C8orf34: variants seen among roughly 807,000 people sequenced by gnomAD.
C8orf34 encodes the protein chromosome 8 open reading frame 34.
In C8orf34, 65 loss-of-function variants were observed where a neutral mutation model predicts 68.3. That is an observed-to-expected ratio of 0.95 (90% CI 0.78 to 1.17). The LOEUF (loss-of-function observed/expected upper bound fraction) is 1.17, where lower values mean the gene tolerates loss of function less well. C8orf34 is among the 50% of genes most tolerant of loss of function. The pLI is 0.00. For missense variants in C8orf34, 664 were observed against 655.4 expected (o/e 1.01, Z -0.14); for synonymous variants, 244 against 241.2 (o/e 1.01, Z -0.11).
At chr8:68,378,161 T>C (rs1317169521) in intron 1 of C8orf34, among the ~76,000 whole-genome samples, 3 of 152,192 alleles carry the variant, frequency 2.0e-5, no homozygotes, top group Admixed American at 2.0e-4. Context: ...TTAATTTATT[T>C]CTTGATTAAT....
At chr8:68,515,728 T>A (rs1814483943) in intron 5 of C8orf34, among the ~76,000 whole-genome samples, 1 of 152,214 alleles carries the variant, frequency 6.6e-6, no homozygotes, top group African/African-American at 2.4e-5. Flanking sequence ...CTGAATGTAA[T>A]ATAAAGTTTT....
intron 8 of C8orf34, among the ~76,000 whole-genome samples, chr8:68,660,787 A>G (rs1326774699): frequency 6.6e-6 from 1 of 152,162 alleles, no homozygotes; most frequent in Non-Finnish European, 1.5e-5. Context: ...AGTCCTATGA[A>G]TCGGGGTCCT....
intron 4 of C8orf34, among the ~76,000 whole-genome samples, chr8:68,475,298 C>T (rs560801275): frequency 2.6e-5 from 4 of 152,320 alleles, no homozygotes; most frequent in African/African-American, 9.6e-5. Context: ...TGCTTCTATA[C>T]TTTTCTCTGA....
At chr8:68,454,538 G>A (rs1189314608) in intron 3 of C8orf34, among the ~76,000 whole-genome samples, 2 of 151,920 alleles carry the variant, frequency 1.3e-5, no homozygotes, top group Admixed American at 6.5e-5. Context: ...CAGTTTGTTG[G>A]CATACAATTG....
chr8:68,578,083 A>G (rs1159827000), intron 7 of C8orf34, among the ~76,000 whole-genome samples: 2 of 151,994 alleles, frequency 1.3e-5, no homozygotes, highest in Non-Finnish European at 2.9e-5. Context: ...AGGTAAAAAA[A>G]TAAAGGAAGG....
At chr8:68,404,577 T>G (rs1360587282) in intron 1 of C8orf34, among the ~76,000 whole-genome samples, 1 of 152,222 alleles carries the variant, frequency 6.6e-6, no homozygotes, top group African/African-American at 2.4e-5. Flanking sequence ...GGGCTCAGTT[T>G]CAGTTTTCTG....
intron 7 of C8orf34, among the ~76,000 whole-genome samples, chr8:68,556,068 T>A (rs1816240799): frequency 6.6e-6 from 1 of 151,980 alleles, no homozygotes; most frequent in Non-Finnish European, 1.5e-5. Context: ...TTTAATCAAA[T>A]CCACATACTA....
chr8:68,419,819 G>A (rs1809865229), intron 1 of C8orf34, among the ~76,000 whole-genome samples: 3 of 125,518 alleles, frequency 2.4e-5, no homozygotes, highest in African/African-American at 6.1e-5. Context: ...CACACTCTGG[G>A]GACTGTTGTG....
At chr8:68,404,009 C>T (rs925313007) in intron 1 of C8orf34, among the ~76,000 whole-genome samples, 1 of 152,222 alleles carries the variant, frequency 6.6e-6, no homozygotes, top group African/African-American at 2.4e-5. Flanking sequence ...AAAAGCGTTC[C>T]TATTTCTCCA....
At chr8:68,817,808 G>T (rs187259407) in intron 13 of C8orf34, among the ~76,000 whole-genome samples, 1 of 152,066 alleles carries the variant, frequency 6.6e-6, no homozygotes, top group Non-Finnish European at 1.5e-5. Flanking sequence ...CAAAAGGGAG[G>T]CAAGACACCT....
In C8orf34 at chr8:68,461,647, A is replaced by G. The variant is rs969280661; in HGVS notation, c.608-7045A>G. Among the ~76,000 whole-genome samples, 328 of 152,316 alleles carry G rather than the reference A, an allele frequency of 2.2e-3. 1 individual carries two copies. Among genetic ancestry groups the G allele is most frequent in the African/African-American group, 7.1e-3 (294 of 41,576 alleles). On this transcript the variant is annotated intron_variant, in intron 3 of 13. Transcript: ENST00000518698. ...GTGGGGGCCAATATTCAACATTGTTAAAGAAAAGAATTTTCAACCCAGAAT... is the reference window on the plus strand; with the variant it reads ...GTGGGGGCCAATATTCAACATTGTTGAAGAAAAGAATTTTCAACCCAGAAT...
chr8:68,339,171 T>A (rs1198258272), intron 1 of C8orf34, among the ~76,000 whole-genome samples: 1 of 152,058 alleles, frequency 6.6e-6, no homozygotes, highest in Non-Finnish European at 1.5e-5. Flanking sequence ...TTGATTCAGA[T>A]TGTGTTGAAT....
intron 1 of C8orf34, among the ~76,000 whole-genome samples, chr8:68,414,521 C>T (rs1809580123): frequency 6.6e-6 from 1 of 152,118 alleles, no homozygotes; most frequent in African/African-American, 2.4e-5. Context: ...CTTTTAGTAA[C>T]ACTATTGACA....
intron 1 of C8orf34, among the ~76,000 whole-genome samples, chr8:68,432,271 G>A (rs1810481884): frequency 6.6e-6 from 1 of 151,678 alleles, no homozygotes; most frequent in African/African-American, 2.4e-5. Context: ...TAAAATACCT[G>A]ATACTTGTGC....
intron 10 of C8orf34, among the ~76,000 whole-genome samples, chr8:68,740,989 A>T (rs1362768117): frequency 6.6e-6 from 1 of 152,160 alleles, no homozygotes; most frequent in Non-Finnish European, 1.5e-5. Flanking sequence ...ACAGAAAGCC[A>T]AATATTGTGT....
intron 9 of C8orf34, among the ~76,000 whole-genome samples, chr8:68,720,417 G>T (rs561036649): frequency 6.6e-6 from 1 of 152,004 alleles, no homozygotes; most frequent in African/African-American, 2.4e-5. Flanking sequence ...GGGTTTGAAA[G>T]ATTTCATGCT....
intron 10 of C8orf34, among the ~76,000 whole-genome samples, chr8:68,745,156 A>G (rs1328598268): frequency 6.6e-6 from 1 of 152,190 alleles, no homozygotes; most frequent in African/African-American, 2.4e-5. Context: ...TGAAGGAGAA[A>G]TAAAATCTTT....
chr8:68,558,759 A>G (rs541878638), intron 7 of C8orf34, among the ~76,000 whole-genome samples: 2 of 152,174 alleles, frequency 1.3e-5, no homozygotes, highest in Non-Finnish European at 2.9e-5. Context: ...TCCATTTCTG[A>G]TTAGCTGTTG....
chr8:68,371,820 G>A (rs932446496), intron 1 of C8orf34, among the ~76,000 whole-genome samples: 2 of 151,820 alleles, frequency 1.3e-5, no homozygotes, highest in Admixed American at 1.3e-4. Context: ...GGCTGGTCTC[G>A]AACTCCTGAC....
Sources: gnomAD v4.1 joint callset for allele counts (sites outside exome capture counted in the v4.1 genomes callset) on GRCh38, gnomAD v4.1.1 for gene constraint, MANE v1.5 for transcripts, NCBI Gene and HGNC (gene_info 2026-07-23, HGNC 2026-07-21) for gene names.